Variants in TENM1 observed in about 807,000 individuals in gnomAD.
TENM1 encodes teneurin-1.
In TENM1, 35 loss-of-function variants were observed where a neutral mutation model predicts 174.8. The ratio of observed to expected loss-of-function variants is 0.20; its 90% CI spans 0.15 to 0.27. TENM1 has a LOEUF of 0.27. TENM1 is among the 10% of genes least tolerant of loss of function. TENM1 has a pLI of 1.00. For missense variants in TENM1, 1,633 were observed against 2,130.1 expected, an observed-to-expected ratio of 0.77 and a Z score of 4.59; for synonymous variants, 781 against 798.7, an observed-to-expected ratio of 0.98 and a Z score of 0.37.
At chrX:124,757,886 G>T (rs2054306166) in intron 3 of TENM1, among the ~76,000 whole-genome samples, 1 of 112,069 alleles carries the variant, frequency 8.9e-6, no homozygotes, top group South Asian at 3.7e-4. Flanking sequence ...TGAAAGAACT[G>T]AAAATGTAAG....
chrX:124,615,779 G>A (rs1433478901), intron 11 of TENM1, among the ~76,000 whole-genome samples: 3 of 111,480 alleles, frequency 2.7e-5, no homozygotes. Context: ...TGAAGTCTCG[G>A]TCACAGAGAA....
At chrX:124,735,585 G>A (rs761529532) in intron 4 of TENM1, among the ~76,000 whole-genome samples, 3 of 111,496 alleles carry the variant, frequency 2.7e-5, no homozygotes, top group Non-Finnish European at 5.7e-5. Flanking sequence ...GCACTTCTGG[G>A]TATCTACCCA....
chrX:125,083,242 C>T, the TENM1 span, among the ~76,000 whole-genome samples: 2 of 111,423 alleles, frequency 1.8e-5, no homozygotes, highest in Non-Finnish European at 3.8e-5. Flanking sequence ...AGTCTTTCCA[C>T]AAAAATTCAG....
chrX:124,451,321 T>C (rs772342608), intron 23 of TENM1, among the ~76,000 whole-genome samples: 153 of 111,352 alleles, frequency 1.4e-3, no homozygotes, highest in Middle Eastern at 4.6e-3. Flanking sequence ...TAAATAACAG[T>C]AAAATAGATC....
intron 27 of TENM1, among the ~76,000 whole-genome samples, chrX:124,403,520 CA>C (rs200809417): frequency 3.6e-3 from 277 of 76,092 alleles, no homozygotes; most frequent in Non-Finnish European, 5.2e-3. Context: ...ACTCTTGTCT[CA>C]AAAAAAAAAA....
At chrX:124,755,060 G>A (rs200481466) in intron 3 of TENM1, among the ~76,000 whole-genome samples, 5,783 of 92,649 alleles carry the variant, frequency 0.062, 448 homozygotes, top group African/African-American at 0.18. Context: ...TTTCTGTCTC[G>A]TTGATCTGTC....
At chrX:124,392,245 T>C in exon 28 of TENM1, 1 of 1,211,393 alleles carries the variant, frequency 8.3e-7, no homozygotes, top group East Asian at 3.0e-5. Flanking sequence ...TCGCCCAGTC[T>C]GGTCATAAAG....
chrX:124,424,008 T>C (rs781371211), intron 23 of TENM1, among the ~76,000 whole-genome samples: 1 of 112,116 alleles, frequency 8.9e-6, no homozygotes, highest in South Asian at 3.7e-4. Context: ...CACAGAGGGA[T>C]GACTATATGA....
chrX:125,188,549 C>G, the TENM1 span, among the ~76,000 whole-genome samples: 1 of 111,459 alleles, frequency 9.0e-6, no homozygotes, highest in Admixed American at 9.5e-5. Flanking sequence ...GAGGAAAAAT[C>G]TCAGTAGTAA....
chrX:124,664,764 G>T (rs1218156823), intron 6 of TENM1, among the ~76,000 whole-genome samples: 1 of 107,035 alleles, frequency 9.3e-6, no homozygotes, highest in Non-Finnish European at 1.9e-5. Flanking sequence ...GCTGAAAGGA[G>T]ATCTTAGATG....
the TENM1 span, among the ~76,000 whole-genome samples, chrX:125,035,523 T>C: frequency 9.0e-6 from 1 of 111,241 alleles, no homozygotes; most frequent in African/African-American, 3.3e-5. Context: ...CTGCCCAACA[T>C]CCAAAACTCT....
chrX:125,002,499 T>C, the TENM1 span, among the ~76,000 whole-genome samples: 1 of 110,733 alleles, frequency 9.0e-6, no homozygotes, highest in East Asian at 2.9e-4. Flanking sequence ...TTATCTAGGG[T>C]CGTTTCCTGC....
intron 25 of TENM1, among the ~76,000 whole-genome samples, chrX:124,414,936 G>T (rs1182493150): frequency 5.4e-5 from 6 of 111,661 alleles, no homozygotes; most frequent in African/African-American, 2.0e-4. Context: ...CAAACAATTT[G>T]TCCCCTTGTC....
intron 16 of TENM1, among the ~76,000 whole-genome samples, chrX:124,528,982 A>C (rs897609179): frequency 1.5e-4 from 17 of 111,584 alleles, no homozygotes; most frequent in African/African-American, 5.5e-4. Context: ...AGGACTAATA[A>C]GGTTTGATTG....
chrX:124,808,103 G>A (rs2055661662), intron 3 of TENM1, among the ~76,000 whole-genome samples: 1 of 111,564 alleles, frequency 9.0e-6, no homozygotes, highest in Non-Finnish European at 1.9e-5. Flanking sequence ...AATCTATAAG[G>A]ACACATATAG....
In TENM1 at chrX:124,756,562, C is replaced by T. The variant is rs377748054; in HGVS notation, c.536-19365G>A. Among the ~76,000 whole-genome samples, 449 of 111,283 alleles carry T rather than the reference C, an allele frequency of 4.0e-3. 7 individuals carry two copies. The highest frequency in any genetic ancestry group is 0.034 in the Admixed American group (362 of 10,550). On this transcript the variant is annotated intron_variant, in intron 3 of 31. Coordinates refer to ENST00000422452, the Ensembl canonical transcript of TENM1. ...CTGCGTTCCTTTGGAGGAGGAGAGG[C>T]GCTCTGCTTTTTAGAGTTTCCAGTT... is the stretch of plus-strand genomic sequence containing the variant.
chrX:125,122,812 T>A, the TENM1 span, among the ~76,000 whole-genome samples: 1 of 101,199 alleles, frequency 9.9e-6, no homozygotes, highest in Non-Finnish European at 2.0e-5. Flanking sequence ...CTTATTTTTC[T>A]CTATATTCTG....
intron 11 of TENM1, among the ~76,000 whole-genome samples, chrX:124,591,169 T>A (rs1243182173): frequency 8.9e-6 from 1 of 112,017 alleles, no homozygotes; most frequent in Non-Finnish European, 1.9e-5. Context: ...GGATGGGTCT[T>A]GTTTTTTTAT....
chrX:124,710,092 TA>T (rs2053008019), intron 4 of TENM1, among the ~76,000 whole-genome samples: 1 of 111,629 alleles, frequency 9.0e-6, no homozygotes, highest in Admixed American at 9.6e-5. Flanking sequence ...CTCCGCACCA[TA>T]AAAAGATGAA....
Sources: allele counts gnomAD v4.1 joint callset (sites outside exome capture counted in the v4.1 genomes callset), GRCh38; gene constraint gnomAD v4.1.1; transcripts MANE v1.5; gene names NCBI Gene and HGNC (gene_info 2026-07-23, HGNC 2026-07-21).